The following ROBO1 variants were observed in gnomAD, a reference collection of about 807,000 sequenced individuals.
The protein encoded by ROBO1 is roundabout guidance receptor 1, also known as roundabout homolog 1.
A neutral mutation model predicts 195.9 loss-of-function variants in ROBO1; 149 were observed. The ratio of observed to expected loss-of-function variants is 0.76; its 90% CI spans 0.67 to 0.87. ROBO1 has a LOEUF of 0.87. Among genes scored for constraint, ROBO1 ranks in the 40% least tolerant of loss-of-function variants. The pLI is 0.00. For synonymous variants in ROBO1, 816 were observed against 733.2 expected (o/e 1.11, Z -1.82); for missense variants, 1,933 against 2,068.3 (o/e 0.93, Z 1.27).
chr3:78,995,195 G>A (rs1308971717), intron 3 of ROBO1, among the ~76,000 whole-genome samples: 3 of 152,082 alleles, frequency 2.0e-5, no homozygotes, highest in African/African-American at 4.8e-5. Flanking sequence ...CGTAACTACC[G>A]TTGCTTCCAA....
chr3:78,765,664 G>A (rs1576119247), intron 4 of ROBO1, among the ~76,000 whole-genome samples: 3 of 152,142 alleles, frequency 2.0e-5, no homozygotes, highest in Non-Finnish European at 4.4e-5. Context: ...CATTCAAAAT[G>A]CTGTGTACTG....
intron 1 of ROBO1, among the ~76,000 whole-genome samples, chr3:79,673,916 C>T (rs1946707110): frequency 6.6e-6 from 1 of 151,910 alleles, no homozygotes; most frequent in African/African-American, 2.4e-5. Flanking sequence ...CAAAACTCTC[C>T]TCATTTTAAA....
rs756702164 is a variant in ROBO1 at position 78,759,923 on chromosome 3, G to A, written c.500-13023C>T. On this transcript the variant is annotated intron_variant, in intron 4 of 30. Coordinates refer to ENST00000464233, the MANE Select transcript of ROBO1 (RefSeq NM_002941.4). ...TTTCAGTCACCTCAGTTTTAGGAAT[G>A]ATATCTATGGAGAGTGAGAATCTGG... is the stretch of plus-strand genomic sequence containing the variant. 3.2e-4 allele frequency among the ~76,000 whole-genome samples: 49 copies of A among 152,174 alleles called. 1 individual carries two copies. The highest frequency in any genetic ancestry group is 6.8e-4 in the Non-Finnish European group (46 of 68,042).
At chr3:78,945,749 G>T (rs577531276) in intron 3 of ROBO1, among the ~76,000 whole-genome samples, 1 of 152,088 alleles carries the variant, frequency 6.6e-6, no homozygotes, top group Non-Finnish European at 1.5e-5. Flanking sequence ...CAAACCAATG[G>T]CAAAGAAGTT....
chr3:79,328,519 A>T (rs190963845), intron 2 of ROBO1, among the ~76,000 whole-genome samples: 2 of 152,278 alleles, frequency 1.3e-5, no homozygotes, highest in Admixed American at 1.3e-4. Flanking sequence ...ATCGAGGCAG[A>T]ATATTAAATA....
At chr3:78,646,263 G>T in intron 20 of ROBO1, 73 bp from the exon 21 acceptor site, 1 of 1,364,244 alleles carries the variant, frequency 7.3e-7, no homozygotes, top group Non-Finnish European at 1.0e-6. Context: ...ACATTCATGA[G>T]CTTCTTTCTA....
intron 4 of ROBO1, among the ~76,000 whole-genome samples, chr3:78,763,557 T>A (rs1482212972): frequency 2.0e-5 from 3 of 152,328 alleles, no homozygotes; most frequent in Non-Finnish European, 4.4e-5. Context: ...TACATGCCTA[T>A]AAGCAGACTT....
chr3:79,336,899 C>T (rs2034694454), intron 2 of ROBO1, among the ~76,000 whole-genome samples: 1 of 152,220 alleles, frequency 6.6e-6, no homozygotes, highest in African/African-American at 2.4e-5. Context: ...GAATGTGAGA[C>T]ATGGTGTCAA....
intron 1 of ROBO1, among the ~76,000 whole-genome samples, chr3:79,671,684 G>A (rs918918390): frequency 2.0e-5 from 3 of 151,794 alleles, no homozygotes; most frequent in Non-Finnish European, 4.4e-5. Context: ...TGGCCATAAT[G>A]TCAAAACTAT....
chr3:79,496,305 T>C (rs1939731191), intron 2 of ROBO1, among the ~76,000 whole-genome samples: 2 of 148,996 alleles, frequency 1.3e-5, no homozygotes, highest in African/African-American at 2.5e-5. Flanking sequence ...GTAAAAACGA[T>C]AGTTTATCTG....
chr3:78,635,672 G>A, intron 23 of ROBO1, 101 bp downstream of exon 23: 1 of 1,050,434 alleles, frequency 9.5e-7, no homozygotes, highest in Admixed American at 2.7e-5. Context: ...AGCGACAGAA[G>A]AAAAGATTTT....
intron 1 of ROBO1, among the ~76,000 whole-genome samples, chr3:79,691,243 A>T (rs1947288857): frequency 6.6e-6 from 1 of 151,840 alleles, no homozygotes; most frequent in Non-Finnish European, 1.5e-5. Flanking sequence ...AGAACAGGAT[A>T]TCAGAGGAAT....
intron 2 of ROBO1, among the ~76,000 whole-genome samples, chr3:79,275,656 C>G (rs909771450): frequency 2.4e-4 from 37 of 151,692 alleles, no homozygotes; most frequent in Non-Finnish European, 5.2e-4. Context: ...GAAAGAAATA[C>G]AGGACATCCA....
Position 78,812,689 on chromosome 3 carries a change from A to C in ROBO1, c.500-65789T>G, listed in dbSNP as rs141794516. On this transcript the variant is annotated intron_variant, in intron 4 of 30. Coordinates refer to ENST00000464233, the MANE Select transcript of ROBO1 (RefSeq NM_002941.4). ...TATAAACAGTAAGAGCAGGGATTTG[A>C]ATCTGCTTTGTTCTTTTGTCACCCC... 3.4e-3 allele frequency among the ~76,000 whole-genome samples: 513 copies of C among 152,192 alleles called. 3 individuals are homozygous for C. The highest frequency in any genetic ancestry group is 0.012 in the African/African-American group (481 of 41,544).
chr3:79,493,404 A>AT (rs1219958616), intron 2 of ROBO1, among the ~76,000 whole-genome samples: 2 of 151,998 alleles, frequency 1.3e-5, no homozygotes, highest in Non-Finnish European at 2.9e-5. Flanking sequence ...AAAATTAAAA[A>AT]TGATTCATTT....
At chr3:79,357,097 A>G (rs2035587171) in intron 2 of ROBO1, among the ~76,000 whole-genome samples, 1 of 152,150 alleles carries the variant, frequency 6.6e-6, no homozygotes, top group Admixed American at 6.5e-5. Flanking sequence ...GTTTATCTTC[A>G]TAATCATTAG....
chr3:78,704,615 G>GAC lies in ROBO1; in HGVS notation c.1045+9780_1045+9781dup, dbSNP rs1480011835. Among the ~76,000 whole-genome samples, 5 of 56,038 alleles carry GAC rather than the reference G, an allele frequency of 8.9e-5. No homozygotes were observed. In the South Asian group the frequency reaches 1.5e-3, roughly 16 times the overall value. The allele number at this position is 56,038 out of a possible 152,430, so 36.8% of individuals were successfully genotyped here. A position where few individuals can be genotyped will look rare whatever the true frequency, so the allele number is the denominator to read the frequency against. ...ACACATACACACACACACACACACA[G>GAC]ACACACACACACGAGTCTGGACAAC... On this transcript the variant is annotated intron_variant, in intron 8 of 30. Coordinates refer to ENST00000464233, the MANE Select transcript of ROBO1 (RefSeq NM_002941.4).
chr3:79,760,575 A>T (rs1704645862), intron 1 of ROBO1, among the ~76,000 whole-genome samples: 1 of 149,422 alleles, frequency 6.7e-6, no homozygotes, highest in Non-Finnish European at 1.5e-5. Context: ...ATGTCTCACT[A>T]GAGAAATGGG....
intron 2 of ROBO1, among the ~76,000 whole-genome samples, chr3:79,233,804 C>A (rs2082360202): frequency 6.6e-6 from 1 of 152,174 alleles, no homozygotes; most frequent in South Asian, 2.1e-4. Context: ...TACATTACCA[C>A]CAACAGTATA....
Sources: gnomAD v4.1 joint callset for allele counts (sites outside exome capture counted in the v4.1 genomes callset) on GRCh38, gnomAD v4.1.1 for gene constraint, MANE v1.5 for transcripts, NCBI Gene and HGNC (gene_info 2026-07-23, HGNC 2026-07-21) for gene names.